The following BLK variants were observed in gnomAD, a reference collection of about 807,000 sequenced individuals.
BLK encodes tyrosine-protein kinase Blk.
BLK carries 64 observed loss-of-function variants against 61.8 expected under a neutral mutation model. That is an observed-to-expected ratio of 1.03 (90% confidence interval 0.85 to 1.27). The LOEUF (loss-of-function observed/expected upper bound fraction) is 1.27, where lower values mean the gene tolerates loss of function less well. Among genes scored for constraint, BLK ranks in the 50% most tolerant of loss-of-function variants. The pLI is 0.00. For missense variants in BLK, 853 were observed against 660.5 expected (o/e 1.29, Z -3.19); for synonymous variants, 351 against 272.0 (o/e 1.29, Z -2.86).
chr8:11,547,214 C>T (rs1800686672), intron 3 of BLK, among the ~76,000 whole-genome samples: 1 of 152,370 alleles, frequency 6.6e-6, no homozygotes, highest in African/African-American at 2.4e-5. Context: ...TGAGCAGAAC[C>T]TGAATCTTAA....
intron 1 of BLK, among the ~76,000 whole-genome samples, chr8:11,495,001 G>C (rs975163896): frequency 1.3e-5 from 2 of 152,222 alleles, no homozygotes; most frequent in Admixed American, 6.5e-5. Context: ...CACAGGCGGG[G>C]AGCATCTGGC....
At chr8:11,530,045 TAA>T (rs113032765) in intron 1 of BLK, among the ~76,000 whole-genome samples, 2,595 of 152,360 alleles carry the variant, frequency 0.017, 44 homozygotes, top group African/African-American at 0.045. Context: ...TTATTTTTAC[TAA>T]AGACAAGACC....
intron 1 of BLK, among the ~76,000 whole-genome samples, chr8:11,535,320 GAAA>G (rs1352590632): frequency 8.7e-6 from 1 of 115,234 alleles, no homozygotes; most frequent in East Asian, 3.4e-4. Context: ...AAGAAAGAAA[GAAA>G]GAGAAGGAAA....
intron 1 of BLK, among the ~76,000 whole-genome samples, chr8:11,535,744 G>C (rs142248471): frequency 1.3e-3 from 194 of 152,306 alleles, no homozygotes; most frequent in African/African-American, 4.5e-3. Flanking sequence ...GAGCCTCCTG[G>C]TAGGATGCAA....
chr8:11,563,121 C>A lies in BLK; in HGVS notation c.1312+11C>A, dbSNP rs747429771. On this transcript the variant is annotated intron_variant, in intron 12 of 12. Coordinates refer to ENST00000259089, the MANE Select transcript of BLK (RefSeq NM_001715.3). ...GGGTGCCATACCCAGGTAGGTGGCT[C>A]ACCCCGCAGCTCGCGGCTCCCTGCT... The A allele has an allele frequency of 6.0e-5, 97 of 1,613,608 alleles. No homozygotes were observed. Among genetic ancestry groups the A allele is most frequent in the Non-Finnish European group, 8.1e-5 (95 of 1,179,986 alleles).
At chr8:11,558,960 A>C in intron 10 of BLK, 1 of 456,066 alleles carries the variant, frequency 2.2e-6, no homozygotes, top group Non-Finnish European at 4.4e-6. Flanking sequence ...TTTTCCGCTG[A>C]GGTGGGCAGA....
At chr8:11,510,080 A>T (rs1029907277) in intron 1 of BLK, among the ~76,000 whole-genome samples, 3 of 152,210 alleles carry the variant, frequency 2.0e-5, no homozygotes, top group Non-Finnish European at 4.4e-5. Context: ...TTGTATCACC[A>T]TAGCAGGTGA....
chr8:11,522,619 C>T (rs78251156), intron 1 of BLK, among the ~76,000 whole-genome samples: 1,933 of 151,382 alleles, frequency 0.013, 36 homozygotes, highest in African/African-American at 0.044. Context: ...AAACAGTGTC[C>T]CTTAGAAAAT....
In BLK at chr8:11,549,899, C is replaced by T. The variant is rs893448959; in HGVS notation, c.369-260C>T. ...GGGCATTTTTCCAAAGCAAAATTAACAAAGGTCAACCAACTAGTGTTCTTG... is the reference window on the plus strand; with the variant it reads ...GGGCATTTTTCCAAAGCAAAATTAATAAAGGTCAACCAACTAGTGTTCTTG... On this transcript the variant is annotated intron_variant, in intron 5 of 12. Coordinates refer to ENST00000259089, the MANE Select transcript of BLK (RefSeq NM_001715.3). 4 of 502,216 alleles carry T rather than the reference C, an allele frequency of 8.0e-6. No homozygotes were observed. The South Asian group carries it at 8.1e-5, about 10-fold the overall frequency. The allele number at this position is 502,216 out of a possible 1,614,324, so 31.1% of individuals were successfully genotyped here.
chr8:11,529,743 G>C (rs545474342), intron 1 of BLK, among the ~76,000 whole-genome samples: 1 of 152,310 alleles, frequency 6.6e-6, no homozygotes, highest in South Asian at 2.1e-4. Context: ...AATTAGTTCA[G>C]CCTATGCCCA....
chr8:11,555,217 A>G, intron 7 of BLK, 115 bp from the exon 8 acceptor site: 4 of 1,374,640 alleles, frequency 2.9e-6, no homozygotes, highest in South Asian at 1.2e-5. Flanking sequence ...GCACACACCC[A>G]TGCAGGGGGT....
intron 1 of BLK, among the ~76,000 whole-genome samples, chr8:11,513,183 G>T (rs1244549396): frequency 1.3e-5 from 2 of 152,148 alleles, no homozygotes; most frequent in African/African-American, 4.8e-5. Context: ...GAGCATGCTG[G>T]GTCCCAGGGC....
intron 6 of BLK, among the ~76,000 whole-genome samples, chr8:11,553,889 C>G (rs1411384611): frequency 6.6e-6 from 1 of 152,140 alleles, no homozygotes; most frequent in Non-Finnish European, 1.5e-5. Context: ...CGCGGAAAAC[C>G]AAGCGTCCAC....
chr8:11,523,625 T>A (rs1799539685), intron 1 of BLK, among the ~76,000 whole-genome samples: 1 of 152,196 alleles, frequency 6.6e-6, no homozygotes, highest in Non-Finnish European at 1.5e-5. Context: ...TTTATGACAT[T>A]AATGTAAAAA....
intron 1 of BLK, among the ~76,000 whole-genome samples, chr8:11,531,893 C>A (rs904302830): frequency 6.6e-6 from 1 of 152,190 alleles, no homozygotes; most frequent in Non-Finnish European, 1.5e-5. Context: ...GAGTCTCGCC[C>A]TGTTGCCCAG....
chr8:11,547,443 C>T (rs1426976131), intron 3 of BLK, among the ~76,000 whole-genome samples: 2 of 152,192 alleles, frequency 1.3e-5, no homozygotes, highest in African/African-American at 2.4e-5. Flanking sequence ...AGATGGTGCT[C>T]CAAGCTCCTG....
Position 11,550,158 on chromosome 8 carries a change from G to T in BLK, c.369-1G>T. 6.2e-7 allele frequency: 1 copy of T among 1,614,042 alleles called. No individual in the cohort carries two copies. The highest frequency in any genetic ancestry group is 8.5e-7 in the Non-Finnish European group (1 of 1,179,954). On this transcript the variant is annotated splice_acceptor_variant, in intron 5 of 12. Transcript: ENST00000259089. LOFTEE classifies it high-confidence loss of function. Reference sequence around the variant, plus strand: ...TTTCACCTGTTCCTGCCGTTTTCCAGGTGGTTCTTTAGATCACAGGGTCGG... The same window carrying T: ...TTTCACCTGTTCCTGCCGTTTTCCATGTGGTTCTTTAGATCACAGGGTCGG...
intron 1 of BLK, among the ~76,000 whole-genome samples, chr8:11,515,163 C>T (rs1043040233): frequency 2.0e-5 from 3 of 152,258 alleles, no homozygotes; most frequent in African/African-American, 4.8e-5. Flanking sequence ...TGGAAGCTCT[C>T]GAGTGGGGTG....
rs1798797941 is a variant in BLK at position 11,507,039 on chromosome 8, C to T, written c.-2+12448C>T. ...GGAAAATAACAAATAGGAGGAAGAA[C>T]AATCTCAGAAAGGCAGGTAGCCTGT... On this transcript the variant is annotated intron_variant, in intron 1 of 12. Transcript: ENST00000259089. Among the ~76,000 whole-genome samples, 7 of 152,318 alleles carry T rather than the reference C, an allele frequency of 4.6e-5. No individual in the cohort carries two copies. In the South Asian group the frequency reaches 1.4e-3, roughly 32 times the overall value.
Sources: allele counts gnomAD v4.1 joint callset (sites outside exome capture counted in the v4.1 genomes callset), GRCh38; gene constraint gnomAD v4.1.1; transcripts MANE v1.5; gene names NCBI Gene and HGNC (gene_info 2026-07-23, HGNC 2026-07-21).